The following STK33 variants were observed in gnomAD, a reference collection of about 807,000 sequenced individuals.
STK33 encodes serine/threonine-protein kinase 33.
STK33 carries 52 observed loss-of-function variants against 58.0 expected under a neutral mutation model. The observed-to-expected ratio is 0.90, with a 90% CI of 0.72 to 1.13. STK33 has a LOEUF of 1.13. Ranked by LOEUF, STK33 falls within the 50% of genes most tolerant of loss-of-function variation. The pLI, the probability that STK33 is intolerant of heterozygous loss-of-function variation, is 0.00. For synonymous variants in STK33, 215 were observed against 200.1 expected, an observed-to-expected ratio of 1.07 and a Z score of -0.63; for missense variants, 630 against 604.2, an observed-to-expected ratio of 1.04 and a Z score of -0.45.
At chr11:8,499,717 A>G (rs1951360363) in intron 1 of STK33, among the ~76,000 whole-genome samples, 1 of 152,278 alleles carries the variant, frequency 6.6e-6, no homozygotes, top group African/African-American at 2.4e-5. Context: ...TGGCACATAT[A>G]CACCATGGAA....
chr11:8,519,745 G>A (rs955423172), intron 1 of STK33, among the ~76,000 whole-genome samples: 42 of 151,690 alleles, frequency 2.8e-4, no homozygotes, highest in Non-Finnish European at 5.0e-4. Context: ...AAATCTAGAC[G>A]AAATGGATAA....
chr11:8,371,746 T>TCTCTCCCTCCCTTCCTCCCTCC, the STK33 span, among the ~76,000 whole-genome samples: 1 of 75,232 alleles, frequency 1.3e-5, no homozygotes, highest in Admixed American at 1.8e-4. Flanking sequence ...CCTCCCTCCC[T>TCTCTCCCTCCCTTCCTCCCTCC]CTCTCCCTCC....
At chr11:8,411,112 G>A (rs1293220216) in intron 15 of STK33, among the ~76,000 whole-genome samples, 3 of 152,348 alleles carry the variant, frequency 2.0e-5, no homozygotes, top group Admixed American at 1.3e-4. Context: ...TATTGCAGGA[G>A]TGAAAGTCAA....
At chr11:8,364,363 G>C in the STK33 span, among the ~76,000 whole-genome samples, 2 of 152,180 alleles carry the variant, frequency 1.3e-5, no homozygotes, top group African/African-American at 4.8e-5. Flanking sequence ...AGATTTTTCT[G>C]AAGTGTCATG....
the STK33 span, among the ~76,000 whole-genome samples, chr11:8,375,675 C>A: frequency 1.3e-5 from 2 of 152,062 alleles, no homozygotes; most frequent in Non-Finnish European, 2.9e-5. Flanking sequence ...TGGTTTCCCC[C>A]ATGCTGTTTT....
intron 1 of STK33, among the ~76,000 whole-genome samples, chr11:8,571,939 T>A (rs895255372): frequency 6.7e-6 from 1 of 150,040 alleles, no homozygotes. Flanking sequence ...TTAAAAAATT[T>A]AAATTAAAAT....
intron 14 of STK33, among the ~76,000 whole-genome samples, chr11:8,420,676 A>AT (rs1299447898): frequency 4.6e-5 from 7 of 152,098 alleles, no homozygotes; most frequent in Non-Finnish European, 8.8e-5. Flanking sequence ...TTTTGTATAT[A>AT]TTTTTTATCA....
chr11:8,426,510 C>T (rs1247728811), intron 14 of STK33, among the ~76,000 whole-genome samples: 1 of 152,182 alleles, frequency 6.6e-6, no homozygotes, highest in African/African-American at 2.4e-5. Context: ...GGAGCCCTAG[C>T]CAGGGACTAT....
At chr11:8,592,437 G>C (rs777619961) in intron 1 of STK33, among the ~76,000 whole-genome samples, 3 of 152,180 alleles carry the variant, frequency 2.0e-5, no homozygotes, top group Admixed American at 2.0e-4. Flanking sequence ...ATTTTTATCT[G>C]TGAAATTAGC....
chr11:8,364,855 G>T, the STK33 span, among the ~76,000 whole-genome samples: 1 of 152,118 alleles, frequency 6.6e-6, no homozygotes, highest in African/African-American at 2.4e-5. Flanking sequence ...GAATGTTCTT[G>T]CACCTGTCAA....
At chr11:8,356,960 G>T in the STK33 span, among the ~76,000 whole-genome samples, 1 of 152,208 alleles carries the variant, frequency 6.6e-6, no homozygotes, top group African/African-American at 2.4e-5. Flanking sequence ...CGTCCCTGAA[G>T]TGGGGCGGGG....
chr11:8,514,995 C>T (rs1451792801), intron 1 of STK33, among the ~76,000 whole-genome samples: 1 of 151,928 alleles, frequency 6.6e-6, no homozygotes, highest in Non-Finnish European at 1.5e-5. Context: ...CTGAAAAATG[C>T]AATTGCAAAA....
intron 1 of STK33, among the ~76,000 whole-genome samples, chr11:8,512,746 T>C (rs1179307165): frequency 2.6e-5 from 4 of 152,148 alleles, no homozygotes; most frequent in Non-Finnish European, 5.9e-5. Flanking sequence ...CACAAGCTTG[T>C]TCCCCATCTC....
At chr11:8,497,874 G>T (rs543247193) in intron 1 of STK33, among the ~76,000 whole-genome samples, 5 of 152,290 alleles carry the variant, frequency 3.3e-5, no homozygotes, top group Admixed American at 1.3e-4. Flanking sequence ...CAGTACTACA[G>T]TGATACCAAA....
At chr11:8,439,547 A>G (rs1944455085) in intron 12 of STK33, among the ~76,000 whole-genome samples, 1 of 152,016 alleles carries the variant, frequency 6.6e-6, no homozygotes, top group South Asian at 2.1e-4. Context: ...AGGAGTAGAG[A>G]AATAGAAGGC....
rs1201052424 is a variant in STK33, at chr11:8,474,886, T to A, written c.20A>T (p.Asp7Val). Residue 7 changes from aspartate to valine, a missense_variant, in exon 5 of 16, where the codon GAT becomes GTT. Coordinates refer to ENST00000687296, the MANE Select transcript of STK33 (RefSeq NM_001352389.2). ...GTCGGGGCATTTTGTGGATTTTTTA[T>A]CTAAGCCACTATCAGCCATTTGTTT... MADSGLDKKSTKCPDCS... is the reference protein window; with the variant it reads MADSGLVKKSTKCPDCS... The A allele has an allele frequency of 1.3e-6, 2 of 1,589,520 alleles. No homozygotes were observed. The highest frequency in any genetic ancestry group is 8.6e-7 in the Non-Finnish European group (1 of 1,169,378).
downstream of STK33, among the ~76,000 whole-genome samples, chr11:8,389,404 C>T (rs1848587879): frequency 6.6e-6 from 1 of 152,194 alleles, no homozygotes; most frequent in African/African-American, 2.4e-5. Context: ...TGTGTTAATG[C>T]AGTACCTGAA....
the STK33 span, among the ~76,000 whole-genome samples, chr11:8,381,432 C>T: frequency 6.6e-6 from 1 of 152,090 alleles, no homozygotes; most frequent in African/African-American, 2.4e-5. Context: ...TGCTGTTGAC[C>T]CACGGAGAAT....
At chr11:8,394,929 T>A (rs956874878) in intron 15 of STK33, among the ~76,000 whole-genome samples, 1 of 152,218 alleles carries the variant, frequency 6.6e-6, no homozygotes, top group African/African-American at 2.4e-5. Context: ...ATATTCACAA[T>A]GTTCAAAATC....
Sources: gnomAD v4.1 joint callset for allele counts (sites outside exome capture counted in the v4.1 genomes callset) on GRCh38, gnomAD v4.1.1 for gene constraint, MANE v1.5 for transcripts, NCBI Gene and HGNC (gene_info 2026-07-23, HGNC 2026-07-21) for gene names.